ABCC2: variants seen among roughly 807,000 people sequenced by gnomAD.
ABCC2 encodes the protein ATP binding cassette subfamily C member 2, also known as ATP-binding cassette sub-family C member 2.
In ABCC2, 157 loss-of-function variants were observed where a neutral mutation model predicts 173.4. The observed-to-expected ratio is 0.91, with a 90% CI of 0.80 to 1.03. The LOEUF is 1.03. Ranked by LOEUF, ABCC2 falls within the 50% of genes least tolerant of loss-of-function variation. The pLI is 0.00. For missense variants in ABCC2, 1,822 were observed against 1,852.3 expected, an observed-to-expected ratio of 0.98 and a Z score of 0.30; for synonymous variants, 657 against 693.5, an observed-to-expected ratio of 0.95 and a Z score of 0.83.
Position 99,836,175 on chromosome 10 carries a change from G to A in ABCC2, c.3499G>A (p.Val1167Ile), listed in dbSNP as rs367739304. 30 of 1,614,056 alleles carry A rather than the reference G, an allele frequency of 1.9e-5. No homozygotes were observed. Among genetic ancestry groups the A allele is most frequent in the South Asian group, 5.5e-5 (5 of 91,084 alleles). The change falls in exon 25 of 32, where the codon GTA becomes ATA. Residue 1167 changes from valine to isoleucine, a missense_variant. Physicochemically the swap from Val to Ile is conservative, Grantham distance 29. Coordinates refer to ENST00000647814, the MANE Select transcript of ABCC2 (RefSeq NM_000392.5). ...SPIYSHFSET[V>I]SGLPVIRAFE... Reference sequence around the variant, plus strand: ...AATCTACTCTCACTTCAGCGAGACCGTATCAGGTTTGCCAGTTATCCGTGC... The same window carrying A: ...AATCTACTCTCACTTCAGCGAGACCATATCAGGTTTGCCAGTTATCCGTGC...
intron 30 of ABCC2, among the ~76,000 whole-genome samples, chr10:99,848,311 C>T (rs931840409): frequency 2.6e-5 from 4 of 152,228 alleles, no homozygotes; most frequent in Non-Finnish European, 5.9e-5. Context: ...ATTGACAGTT[C>T]ACTTCTGGCC....
At chr10:99,841,726 T>G (rs2038948164) in intron 25 of ABCC2, among the ~76,000 whole-genome samples, 1 of 152,230 alleles carries the variant, frequency 6.6e-6, no homozygotes, top group Non-Finnish European at 1.5e-5. Context: ...GACATTGCAC[T>G]GTAGGATTCC....
chr10:99,847,106 C>G lies in ABCC2; in HGVS notation c.4292C>G (p.Thr1431Arg). ...SLQLGLSHEV[T>R]EAGGNLSIGQ... is the part of the protein sequence containing the mutation. ...CAACTTGGGTTATCCCACGAAGTGACAGAGGCTGGTGGCAACCTGAGGTAA... is the reference window on the plus strand; with the variant it reads ...CAACTTGGGTTATCCCACGAAGTGAGAGAGGCTGGTGGCAACCTGAGGTAA... Residue 1431 changes from threonine to arginine, a missense_variant, in exon 30 of 32, where the codon ACA (threonine) becomes AGA (arginine). Transcript: ENST00000647814. 6.2e-7 allele frequency: 1 copy of G among 1,614,136 alleles called. No individual in the cohort carries two copies. Among genetic ancestry groups the G allele is most frequent in the Non-Finnish European group, 8.5e-7 (1 of 1,180,016 alleles).
intron 25 of ABCC2, among the ~76,000 whole-genome samples, chr10:99,839,217 C>G (rs866412701): frequency 0.36 from 5,965 of 16,624 alleles, 370 homozygotes; most frequent in Admixed American, 0.41. Flanking sequence ...CCCGGACGGG[C>G]CGGCTGGCCG....
chr10:99,790,527 C>T (rs193205628), intron 2 of ABCC2, among the ~76,000 whole-genome samples: 71 of 152,218 alleles, frequency 4.7e-4, no homozygotes, highest in Admixed American at 1.2e-3. Flanking sequence ...AGACCCCCTC[C>T]TTTTCCCTGG....
In ABCC2 at chr10:99,797,087, C is replaced by G. The variant is rs779438234; in HGVS notation, c.633-10C>G. Reference sequence around the variant, plus strand: ...TGGGGGTCTCAGCCTGTGGTTCGCTCTTGTTCCAGCATCATTCTGAAAGGC... The same window carrying G: ...TGGGGGTCTCAGCCTGTGGTTCGCTGTTGTTCCAGCATCATTCTGAAAGGC... On this transcript the variant is annotated splice_polypyrimidine_tract_variant and intron_variant, in intron 6 of 31. Coordinates refer to ENST00000647814, the MANE Select transcript of ABCC2 (RefSeq NM_000392.5). The G allele has an allele frequency of 8.1e-6, 13 of 1,613,530 alleles. 1 individual carries two copies. The East Asian group carries it at 2.9e-4, about 36-fold the overall frequency.
In ABCC2 at chr10:99,851,674, CTTAT is replaced by C. The variant is rs1446324044; in HGVS notation, c.*47_*50del. On this transcript the variant is annotated 3_prime_UTR_variant, in exon 32 of 32. Coordinates refer to ENST00000647814, the MANE Select transcript of ABCC2 (RefSeq NM_000392.5). ...TAGAAAAGGACTATAAGAATAATTT[CTTAT>C]TTAATTTTATTTTTTATAAAATACA... 2 of 1,552,484 alleles carry C rather than the reference CTTAT, an allele frequency of 1.3e-6. No homozygotes were observed. The highest frequency in any genetic ancestry group is 2.8e-5 in the African/African-American group (2 of 72,224).
intron 14 of ABCC2, 143 bp from the exon 15 acceptor site, chr10:99,811,393 T>G (rs2133043121): frequency 1.2e-6 from 1 of 805,214 alleles, no homozygotes; most frequent in East Asian, 2.5e-5. Flanking sequence ...TCTAGGAGAT[T>G]TCATTCACCT....
intron 3 of ABCC2, 55 bp from the exon 4 acceptor site, chr10:99,793,496 T>C (rs2132970845): frequency 6.2e-7 from 1 of 1,611,052 alleles, no homozygotes; most frequent in South Asian, 1.1e-5. Flanking sequence ...CCTTCTCCCC[T>C]CAGTCCTCGG....
At chr10:99,795,581 C>T (rs536553987) in intron 6 of ABCC2, among the ~76,000 whole-genome samples, 1 of 152,172 alleles carries the variant, frequency 6.6e-6, no homozygotes, top group South Asian at 2.1e-4. Context: ...TGCCTGTAAT[C>T]CCAGCTCCTT....
At chr10:99,818,683 C>G in intron 17 of ABCC2, 107 bp from the exon 18 acceptor site, 1 of 1,189,752 alleles carries the variant, frequency 8.4e-7, no homozygotes, top group East Asian at 2.4e-5. Flanking sequence ...ATTTTTAACC[C>G]CTTGACACCT....
At chr10:99,806,077 C>CTCTGTGTGTGTGTGTGTGTGTGTGTG (rs10644836) in intron 11 of ABCC2, among the ~76,000 whole-genome samples, 7 of 148,040 alleles carry the variant, frequency 4.7e-5, no homozygotes, top group African/African-American at 1.8e-4. Flanking sequence ...CTCTCTCTGT[C>CTCTGTGTGTGTGTGTGTGTGTGTGTG]TGTGTGTGTG....
rs191491596 is a variant in ABCC2, at chr10:99,813,818, A to T, written c.2094+674A>T. On this transcript the variant is annotated intron_variant, in intron 16 of 31. Transcript: ENST00000647814. ...AAATAACAGGACCTAGGGGAAAAGAATTGTAATAGATCACTAAAAACTTAT... is the reference window on the plus strand; with the variant it reads ...AAATAACAGGACCTAGGGGAAAAGATTTGTAATAGATCACTAAAAACTTAT... Among the ~76,000 whole-genome samples, 174 of 152,334 alleles carry T rather than the reference A, an allele frequency of 1.1e-3. 1 individual carries two copies. Among genetic ancestry groups the T allele is most frequent in the Admixed American group, 1.0e-3 (16 of 15,302 alleles).
chr10:99,821,093 A>G (rs958452470), intron 19 of ABCC2, among the ~76,000 whole-genome samples: 2 of 152,158 alleles, frequency 1.3e-5, no homozygotes. Context: ...GCAGACAAAC[A>G]CGTGAACAAA....
intron 16 of ABCC2, among the ~76,000 whole-genome samples, chr10:99,814,262 C>CACGT (rs1291685955): frequency 1.1e-4 from 3 of 26,388 alleles, no homozygotes; most frequent in Non-Finnish European, 1.6e-4. Context: ...TGTATACACA[C>CACGT]GTATGTATAC....
At chr10:99,796,953 C>T in intron 6 of ABCC2, 144 bp from the exon 7 acceptor site, 1 of 751,450 alleles carries the variant, frequency 1.3e-6, no homozygotes, top group South Asian at 1.5e-5. Flanking sequence ...ACTCCTCTGT[C>T]AAGTTCAAAG....
intron 7 of ABCC2, 75 bp from the exon 8 acceptor site, chr10:99,799,132 G>C: frequency 6.4e-7 from 1 of 1,572,420 alleles, no homozygotes; most frequent in Non-Finnish European, 8.7e-7. Flanking sequence ...GGGCTCACAG[G>C]CTGACCACCC....
In ABCC2 at chr10:99,831,984, T is replaced by G; in HGVS notation, c.3111T>G (p.Phe1037Leu). ...AACTGCTTCCATCTCTAGGTATATT[T>G]GTGTTCATAGCACATTTCTGGAGTG... ...YGALGLAQGIFVFIAHFWSAF... is the reference protein window; with the variant it reads ...YGALGLAQGILVFIAHFWSAF... Residue 1037 changes from phenylalanine (F) to leucine (L), a missense_variant, in exon 23 of 32, where the codon TTT becomes TTG. By Grantham distance (22) the Phe-to-Leu change is conservative. Coordinates refer to ENST00000647814, the MANE Select transcript of ABCC2 (RefSeq NM_000392.5). The G allele has an allele frequency of 6.2e-7, 1 of 1,614,238 alleles. No homozygotes were observed. Among genetic ancestry groups the G allele is most frequent in the Non-Finnish European group, 8.5e-7 (1 of 1,180,036 alleles).
At chr10:99,807,304 T>C (rs960981128) in intron 11 of ABCC2, 80 bp from the exon 12 acceptor site, 115 of 1,574,478 alleles carry the variant, frequency 7.3e-5, no homozygotes, top group Non-Finnish European at 9.7e-5. Flanking sequence ...GGACTATATC[T>C]TAAAACATGG....
Sources: allele counts gnomAD v4.1 joint callset (sites outside exome capture counted in the v4.1 genomes callset), GRCh38; gene constraint gnomAD v4.1.1; transcripts MANE v1.5; gene names NCBI Gene and HGNC (gene_info 2026-07-23, HGNC 2026-07-21).